CLCN6: variants seen among roughly 807,000 people sequenced by gnomAD.
CLCN6 encodes Cl-/H+ antiporter 6, also known as H(+)/Cl(-) exchange transporter 6.
In CLCN6, 70 loss-of-function variants were observed where a neutral mutation model predicts 109.8. The ratio of observed to expected loss-of-function variants is 0.64; its 90% confidence interval spans 0.53 to 0.78. CLCN6 has a LOEUF of 0.78. Ranked by LOEUF, CLCN6 falls within the 30% of genes least tolerant of loss-of-function variation. The pLI, the probability that CLCN6 is intolerant of heterozygous loss-of-function variation, is 0.00. For synonymous variants in CLCN6, 444 were observed against 447.8 expected (o/e 0.99, Z 0.11); for missense variants, 984 against 1,142.3 (o/e 0.86, Z 2.00).
At chr1:11,820,481 A>G (rs554970089) in intron 5 of CLCN6, 125 of 681,642 alleles carry the variant, frequency 1.8e-4, no homozygotes, top group African/African-American at 1.6e-3. Context: ...AAAAACATCA[A>G]TGGGGCCGGA....
At chr1:11,816,887 A>G (rs2100616984) in intron 4 of CLCN6, among the ~76,000 whole-genome samples, 1 of 150,008 alleles carries the variant, frequency 6.7e-6, no homozygotes, top group South Asian at 2.1e-4. Flanking sequence ...AGTTTTTCAC[A>G]CTTCCCCTGC....
intron 22 of CLCN6, chr1:11,839,005 G>A (rs1477507017): frequency 1.5e-6 from 1 of 661,814 alleles, no homozygotes; most frequent in South Asian, 1.6e-5. Context: ...AGAATTTCAA[G>A]CAAAATACTT....
rs1396929856 is a variant in CLCN6 at position 11,840,151 on chromosome 1, G to A, written c.2538G>A (p.Gly846=). 3 of 1,613,762 alleles carry A rather than the reference G, an allele frequency of 1.9e-6. No homozygotes were observed. The highest frequency in any genetic ancestry group is 2.5e-6 in the Non-Finnish European group (3 of 1,179,986). ...PVVNAVGEIV[G]IITRHNLTYE... ...CCTTCTCTTTGCCCTAGATCGTGGG[G>A]ATCATCACACGGCACAACCTCACCT... is the stretch of plus-strand genomic sequence containing the variant. Residue 846 remains glycine, a synonymous_variant, in exon 23 of 23, where the codon GGG becomes GGA. Transcript: ENST00000346436.
Position 11,807,712 on chromosome 1 carries a change from T to C in CLCN6, c.147+522T>C, listed in dbSNP as rs551399405. Among the ~76,000 whole-genome samples the C allele has an allele frequency of 3.3e-4, 51 of 152,360 alleles. No homozygotes were observed. The South Asian group carries it at 9.7e-3, about 29-fold the overall frequency. On this transcript the variant is annotated intron_variant, in intron 2 of 22. Transcript: ENST00000346436. ...TGGGGTGAAACAACATGCGTGACTT[T>C]TTATCATTAAATTCTTAAACGTAAT...
In CLCN6 at chr1:11,827,031, C is replaced by A. The variant is rs910845293; in HGVS notation, c.708-58C>A. On this transcript the variant is annotated intron_variant, in intron 9 of 22. Transcript: ENST00000346436. ...ATGTTCATGATAAGGAAGTCAGAAA[C>A]CACCTTTTGGGGGCTGGGGGCTCTT... 8.2e-6 allele frequency: 13 copies of A among 1,592,696 alleles called. No individual in the cohort carries two copies. The Admixed American group carries it at 2.4e-4, about 29-fold the overall frequency.
At chr1:11,811,573 G>T (rs1419951559) in intron 2 of CLCN6, among the ~76,000 whole-genome samples, 1 of 152,118 alleles carries the variant, frequency 6.6e-6, no homozygotes, top group Non-Finnish European at 1.5e-5. Flanking sequence ...GTAGAGACGA[G>T]GCTTCTCCAT....
rs749293199 is a variant in CLCN6, at chr1:11,838,556, C to G, written c.2425C>G (p.Pro809Ala). Residue 809 changes from proline (P) to alanine (A), a missense_variant, in exon 22 of 23, where the codon CCT (proline) becomes GCT (alanine). Coordinates refer to ENST00000346436, the MANE Select transcript of CLCN6 (RefSeq NM_001286.5). ...MIVDVTPYMN[P>A]SPFTVSPNTH... ...GCAGGATGTCACCCCATACATGAAC[C>G]CTTCGCCTTTCACCGTCTCGCCCAA... The G allele has an allele frequency of 1.9e-6, 3 of 1,611,182 alleles. No homozygotes were observed. The highest frequency in any genetic ancestry group is 3.3e-5 in the Admixed American group (2 of 59,942).
chr1:11,817,906 A>G (rs904661846), intron 4 of CLCN6, among the ~76,000 whole-genome samples: 2 of 152,184 alleles, frequency 1.3e-5, no homozygotes, highest in African/African-American at 4.8e-5. Flanking sequence ...AGCCCTCTTC[A>G]GTGATATTCT....
chr1:11,840,006 CCAAT>C, intron 22 of CLCN6, 133 bp from the exon 23 acceptor site: 1 of 740,310 alleles, frequency 1.4e-6, no homozygotes. Flanking sequence ...GCTGTTTATC[CCAAT>C]CAAGCTGTGT....
chr1:11,828,530 A>T lies in CLCN6; in HGVS notation c.1027A>T (p.Ile343Phe), dbSNP rs758742332. ...DLGFFVVMGV[I>F]GGLLGATFNC... ...GGGTTTCTTCGTCGTGATGGGGGTC[A>T]TTGGGGGCCTCCTGGGAGCCACATT... The change falls in exon 12 of 23, where the codon ATT becomes TTT. Residue 343 changes from isoleucine to phenylalanine, a missense_variant. Coordinates refer to ENST00000346436, the MANE Select transcript of CLCN6 (RefSeq NM_001286.5). 2 of 1,614,062 alleles carry T rather than the reference A, an allele frequency of 1.2e-6. No homozygotes were observed. Among genetic ancestry groups the T allele is most frequent in the East Asian group, 4.5e-5 (2 of 44,876 alleles).
At chr1:11,815,760 G>A (rs1489072878) in intron 2 of CLCN6, 86 bp from the exon 3 acceptor site, 7 of 1,004,200 alleles carry the variant, frequency 7.0e-6, no homozygotes, top group South Asian at 2.8e-5. Flanking sequence ...CCATCCACAC[G>A]TTGAGTAGCA....
In CLCN6 at chr1:11,838,580, A is replaced by C; in HGVS notation, c.2449A>C (p.Asn817His). The stretch of plus-strand genomic sequence containing the variant: ...CCCTTCGCCTTTCACCGTCTCGCCC[A>C]ACACCCACGTCTCCCAAGTCTTCAA... ...MNPSPFTVSPNTHVSQVFNLF... is the reference protein window; with the variant it reads ...MNPSPFTVSPHTHVSQVFNLF... Residue 817 changes from asparagine (N) to histidine (H), a missense_variant, in exon 22 of 23, where the codon AAC becomes CAC. Coordinates refer to ENST00000346436, the MANE Select transcript of CLCN6 (RefSeq NM_001286.5). The C allele has an allele frequency of 6.2e-7, 1 of 1,613,192 alleles. No homozygotes were observed.
Position 11,834,592 on chromosome 1 carries a change from T to A in CLCN6, c.1793+2T>A. 2 of 1,613,056 alleles carry A rather than the reference T, an allele frequency of 1.2e-6. No homozygotes were observed. Among genetic ancestry groups the A allele is most frequent in the Non-Finnish European group, 1.7e-6 (2 of 1,179,160 alleles). ...GGAGACAGAGGTGGAAATGGACAAG[T>A]AAGGCCATGATTTTGCTCATGTCCT... is the stretch of plus-strand genomic sequence containing the variant. On this transcript the variant is annotated splice_donor_variant, in intron 17 of 22. Coordinates refer to ENST00000346436, the MANE Select transcript of CLCN6 (RefSeq NM_001286.5). LOFTEE classifies it high-confidence loss of function. The surrounding 1 kb of genome is among the most constrained non-coding windows in gnomAD (Gnocchi z 4.5).
intron 2 of CLCN6, among the ~76,000 whole-genome samples, chr1:11,809,122 G>A (rs1454496119): frequency 6.6e-6 from 1 of 152,116 alleles, no homozygotes; most frequent in Non-Finnish European, 1.5e-5. Context: ...GTCTCCCAGA[G>A]TGCTGGGATT....
Position 11,834,108 on chromosome 1 carries a change from G to A in CLCN6, c.1526+78G>A, listed in dbSNP as rs1444136066. The A allele has an allele frequency of 6.3e-7, 1 of 1,594,568 alleles. No homozygotes were observed. Among genetic ancestry groups the A allele is most frequent in the Middle Eastern group, 2.0e-4 (1 of 5,046 alleles). ...CGTGTGTATGCATGTGTGTGCGTGT[G>A]CGTGCGTTGATGTGTCTGTGCCCAT... is the stretch of plus-strand genomic sequence containing the variant. On this transcript the variant is annotated intron_variant, in intron 15 of 22. Transcript: ENST00000346436. This position sits in a 1 kb window ranked among gnomAD's most constrained non-coding sequence, Gnocchi z 4.5.
At chr1:11,830,762 TATAC>T (rs1293944315) in intron 13 of CLCN6, among the ~76,000 whole-genome samples, 2 of 134,874 alleles carry the variant, frequency 1.5e-5, no homozygotes, top group African/African-American at 3.1e-5. Flanking sequence ...TATATATATA[TATAC>T]ACACACACAC....
At chr1:11,812,664 T>TTGTGTGTGTGTGTGTGTGTG (rs61487985) in intron 2 of CLCN6, among the ~76,000 whole-genome samples, 2 of 127,020 alleles carry the variant, frequency 1.6e-5, no homozygotes, top group Non-Finnish European at 3.2e-5. Flanking sequence ...CAAAGTATGT[T>TTGTGTGTGTGTGTGTGTGTG]TGTGTGTGTG....
chr1:11,816,469 T>C (rs888973599), intron 3 of CLCN6, 146 bp from the exon 4 acceptor site: 1 of 731,602 alleles, frequency 1.4e-6, no homozygotes, highest in Non-Finnish European at 2.3e-6. Context: ...ATTTTTGCAC[T>C]GTAAAGCACC....
chr1:11,807,182 G>T lies in CLCN6; in HGVS notation c.139G>T (p.Asp47Tyr). ...EEEDEILPRKDYESLDYDRCI... is the reference protein window; with the variant it reads ...EEEDEILPRKYYESLDYDRCI... ...GGAGGATGAGATTCTTCCAAGGAAA[G>T]ACTATGAGGTGAGCTCCTTTGATAC... The change falls in exon 2 of 23, where the codon GAC becomes TAC. Residue 47 changes from aspartate to tyrosine, a missense_variant. By Grantham distance (160) the Asp-to-Tyr change is radical (BLOSUM62 -3). Transcript: ENST00000346436. 6.2e-7 allele frequency: 1 copy of T among 1,614,162 alleles called. No homozygotes were observed. The highest frequency in any genetic ancestry group is 1.1e-5 in the South Asian group (1 of 91,082).
Sources: gnomAD v4.1 joint callset for allele counts (sites outside exome capture counted in the v4.1 genomes callset) on GRCh38, gnomAD v4.1.1 for gene constraint, Gnocchi (gnomAD v3.1) non-coding constraint, MANE v1.5 for transcripts, NCBI Gene and HGNC (gene_info 2026-07-23, HGNC 2026-07-21) for gene names.